Variants in PRKG1 observed in about 807,000 individuals in gnomAD.
The protein encoded by PRKG1 is cGMP-dependent protein kinase 1.
A neutral mutation model predicts 88.1 loss-of-function variants in PRKG1; 35 were observed. That is an observed-to-expected ratio of 0.40 (90% CI 0.30 to 0.53). PRKG1 has a LOEUF of 0.53. Among genes scored for constraint, PRKG1 ranks in the 20% least tolerant of loss-of-function variants. The pLI, the probability that PRKG1 is intolerant of heterozygous loss-of-function variation, is 0.59. For missense variants in PRKG1, 540 were observed against 839.8 expected (o/e 0.64, Z 4.41); for synonymous variants, 303 against 292.5 (o/e 1.04, Z -0.37).
chr10:51,446,097 T>A (rs1029954976), intron 2 of PRKG1, among the ~76,000 whole-genome samples: 4 of 151,966 alleles, frequency 2.6e-5, no homozygotes, highest in African/African-American at 9.7e-5. Context: ...GCAACTTTTT[T>A]CTCATTTAAG....
intron 6 of PRKG1, among the ~76,000 whole-genome samples, chr10:52,062,260 A>G (rs1846254658): frequency 6.6e-6 from 1 of 152,132 alleles, no homozygotes; most frequent in African/African-American, 2.4e-5. Flanking sequence ...AAGGCAGGAA[A>G]ATTAGAATAG....
chr10:52,097,757 G>A (rs1847205328), intron 7 of PRKG1, among the ~76,000 whole-genome samples: 1 of 58,374 alleles, frequency 1.7e-5, no homozygotes, highest in Admixed American at 2.6e-4. Flanking sequence ...GATTTTAATA[G>A]GCCTAATATA....
chr10:52,021,445 A>G (rs1324748456), intron 5 of PRKG1, among the ~76,000 whole-genome samples: 1 of 152,178 alleles, frequency 6.6e-6, no homozygotes, highest in Non-Finnish European at 1.5e-5. Flanking sequence ...GATAGTAAAT[A>G]TGTAATCATT....
At chr10:51,103,077 G>A (rs1030551536) in intron 1 of PRKG1, among the ~76,000 whole-genome samples, 1 of 151,924 alleles carries the variant, frequency 6.6e-6, no homozygotes, top group African/African-American at 2.4e-5. Context: ...ACTCAATTAA[G>A]ATATGGAATT....
intron 1 of PRKG1, among the ~76,000 whole-genome samples, chr10:51,137,703 A>G (rs1200248290): frequency 6.6e-6 from 1 of 152,206 alleles, no homozygotes; most frequent in African/African-American, 2.4e-5. Context: ...AATCCCATTG[A>G]AAGTTGGAGT....
chr10:51,529,465 C>A (rs1397771782), intron 3 of PRKG1, among the ~76,000 whole-genome samples: 1 of 151,954 alleles, frequency 6.6e-6, no homozygotes, highest in Non-Finnish European at 1.5e-5. Context: ...CCTAAAGACT[C>A]TCTAACAATG....
chr10:51,129,342 G>T (rs1217235946), intron 1 of PRKG1, among the ~76,000 whole-genome samples: 3 of 152,098 alleles, frequency 2.0e-5, no homozygotes, highest in Non-Finnish European at 2.9e-5. Context: ...CTACTCGGGA[G>T]GCTGAGGCAT....
rs370886436 is a variant in PRKG1 at position 51,086,114 on chromosome 10, A to C, written c.311+11213A>C. ...GCGAGAACTAAGTGATTCCCTGTTT[A>C]TGTAGCACTGAATGGCATACAAATA... On this transcript the variant is annotated intron_variant, in intron 1 of 17. Coordinates refer to ENST00000373980, the MANE Select transcript of PRKG1 (RefSeq NM_006258.4). 2.9e-4 allele frequency among the ~76,000 whole-genome samples: 44 copies of C among 152,336 alleles called. No individual in the cohort carries two copies. The East Asian group carries it at 7.7e-3, about 27-fold the overall frequency.
At chr10:52,245,098 A>C (rs919027459) in intron 9 of PRKG1, among the ~76,000 whole-genome samples, 1 of 151,546 alleles carries the variant, frequency 6.6e-6, no homozygotes, top group Non-Finnish European at 1.5e-5. Context: ...TTATCACATA[A>C]AATCCTGTGT....
chr10:51,017,864 A>C (rs1438724061), intron 1 of PRKG1, among the ~76,000 whole-genome samples: 1 of 152,064 alleles, frequency 6.6e-6, no homozygotes, highest in Non-Finnish European at 1.5e-5. Context: ...TGGTGGCACT[A>C]TCATGGCTCA....
rs137972293 is a variant in PRKG1, at chr10:51,458,833, C to T, written c.479-8890C>T. Among the ~76,000 whole-genome samples, 268 of 152,224 alleles carry T rather than the reference C, an allele frequency of 1.8e-3. 2 individuals carry two copies. The highest frequency in any genetic ancestry group is 5.9e-3 in the African/African-American group (244 of 41,542). The stretch of plus-strand genomic sequence containing the variant: ...GGTCTACTTATATGTAGGTATTTTT[C>T]AACCAAACATGGATCGAAACTACAG... On this transcript the variant is annotated intron_variant, in intron 2 of 17. Transcript: ENST00000373980.
At chr10:51,737,141 A>G (rs1489860503) in intron 3 of PRKG1, among the ~76,000 whole-genome samples, 2 of 152,212 alleles carry the variant, frequency 1.3e-5, no homozygotes, top group African/African-American at 4.8e-5. Flanking sequence ...ACCTAAAGGA[A>G]CTACTATTTG....
At chr10:51,662,449 C>G (rs1294284196) in intron 3 of PRKG1, among the ~76,000 whole-genome samples, 1 of 152,010 alleles carries the variant, frequency 6.6e-6, no homozygotes, top group Non-Finnish European at 1.5e-5. Flanking sequence ...AACACACACA[C>G]AAAATTATGT....
At position 52,186,970 on chromosome 10, in the gene PRKG1, C is replaced by A. The variant is rs567619933; in HGVS notation, c.1076+25007C>A. On this transcript the variant is annotated intron_variant, in intron 9 of 17. Transcript: ENST00000373980. The stretch of plus-strand genomic sequence containing the variant: ...TTAAGCTTCACAATGGCAGGGTTTG[C>A]CAAAATCTGATTAATACAAATGTTA... 2.0e-5 allele frequency among the ~76,000 whole-genome samples: 3 copies of A among 152,108 alleles called. No individual in the cohort carries two copies. In the South Asian group the frequency reaches 6.2e-4, roughly 32 times the overall value.
intron 2 of PRKG1, among the ~76,000 whole-genome samples, chr10:51,215,189 T>TA (rs1344917267): frequency 6.6e-6 from 1 of 152,180 alleles, no homozygotes; most frequent in Non-Finnish European, 1.5e-5. Context: ...TACTGTTGTT[T>TA]AAAAAGATGC....
intron 4 of PRKG1, among the ~76,000 whole-genome samples, chr10:51,833,673 A>C (rs10823688): frequency 0.12 from 18,573 of 152,182 alleles, 1,362 homozygotes; most frequent in South Asian, 0.2. Flanking sequence ...CCATCACCTC[A>C]AATATTTATC....
At chr10:52,181,374 T>G (rs1340727300) in intron 9 of PRKG1, among the ~76,000 whole-genome samples, 1 of 150,922 alleles carries the variant, frequency 6.6e-6, no homozygotes, top group Non-Finnish European at 1.5e-5. Context: ...TACTTGAGAC[T>G]GGGTAATTTA....
intron 4 of PRKG1, among the ~76,000 whole-genome samples, chr10:51,876,235 C>G (rs1351434020): frequency 1.3e-5 from 2 of 152,098 alleles, no homozygotes; most frequent in Non-Finnish European, 2.9e-5. Context: ...CACACACACA[C>G]ACACACACAG....
chr10:51,665,678 A>AT lies in PRKG1; in HGVS notation c.593-138897dup, dbSNP rs376357686. On this transcript the variant is annotated intron_variant, in intron 3 of 17. Transcript: ENST00000373980. ...TGTTGTTTCAACAGTTTTTATTTTTATTTTTTTTTTGTCTTTCTACTCATC... is the reference window on the plus strand; with the variant it reads ...TGTTGTTTCAACAGTTTTTATTTTTATTTTTTTTTTTGTCTTTCTACTCATC... 3.0e-3 allele frequency among the ~76,000 whole-genome samples: 451 copies of AT among 147,962 alleles called. 3 individuals carry two copies. The highest frequency in any genetic ancestry group is 6.9e-3 in the Middle Eastern group (2 of 290).
Sources: allele counts gnomAD v4.1 joint callset (sites outside exome capture counted in the v4.1 genomes callset), GRCh38; gene constraint gnomAD v4.1.1; transcripts MANE v1.5; gene names NCBI Gene and HGNC (gene_info 2026-07-23, HGNC 2026-07-21).